The following AP3S2 variants were observed in gnomAD, a reference collection of about 807,000 sequenced individuals.
AP3S2 encodes adaptor related protein complex 3 subunit sigma 2.
A neutral mutation model predicts 23.4 loss-of-function variants in AP3S2; 22 were observed. The observed-to-expected ratio is 0.94, with a 90% confidence interval of 0.67 to 1.34. The LOEUF (loss-of-function observed/expected upper bound fraction) is 1.34. Ranked by LOEUF, AP3S2 falls within the 40% of genes most tolerant of loss-of-function variation. AP3S2 has a pLI of 0.00. For missense variants in AP3S2, 241 were observed against 236.9 expected (o/e 1.02, Z -0.11); for synonymous variants, 86 against 87.1 (o/e 0.99, Z 0.07).
At position 89,855,055 on chromosome 15, in the gene AP3S2, G is replaced by A. The variant is rs1364257062; in HGVS notation, c.345+16420C>T. On this transcript the variant is annotated intron_variant, in intron 4 of 5. Coordinates refer to ENST00000336418, the MANE Select transcript of AP3S2 (RefSeq NM_005829.5). Reference sequence around the variant, plus strand: ...CAACAGCTCATTGAGAACGGGCCAGGATGACAATGACGGCTTTGTGGAACA... The same window carrying A: ...CAACAGCTCATTGAGAACGGGCCAGAATGACAATGACGGCTTTGTGGAACA... Among the ~76,000 whole-genome samples the A allele has an allele frequency of 1.4e-5, 2 of 141,700 alleles. 1 individual carries two copies. The highest frequency in any genetic ancestry group is 4.3e-4 in the East Asian group (2 of 4,702). The allele number at this position is 141,700 out of a possible 152,430, so 93.0% of individuals were successfully genotyped here. A position where few individuals can be genotyped will look rare whatever the true frequency, so the allele number is the denominator to read the frequency against.
At chr15:89,835,911 C>A (rs923385919) in intron 5 of AP3S2, among the ~76,000 whole-genome samples, 4 of 151,902 alleles carry the variant, frequency 2.6e-5, no homozygotes, top group Admixed American at 6.6e-5. Context: ...CCCTGTAGTC[C>A]CAGCTACTAG....
chr15:89,835,699 GCTA>G lies in AP3S2; in HGVS notation c.454-59_454-57del, dbSNP rs1895173330. ...AAATTCTCACTGTTATCTGCTTAAT[GCTA>G]AAAAAAAAAAAAAAAAAAAAGCAAA... On this transcript the variant is annotated intron_variant, in intron 5 of 5. Transcript: ENST00000336418. The G allele has an allele frequency of 1.2e-5, 10 of 867,018 alleles. No homozygotes were observed. In the Admixed American group the frequency reaches 1.8e-4, roughly 16 times the overall value. 53.7% of individuals were successfully genotyped at this position (867,018 alleles called of 1,614,324 possible). A position where few individuals can be genotyped will look rare whatever the true frequency, so the allele number is the denominator to read the frequency against.
intron 3 of AP3S2, among the ~76,000 whole-genome samples, chr15:89,879,022 G>T (rs934414568): frequency 1.3e-5 from 2 of 152,136 alleles, no homozygotes; most frequent in Non-Finnish European, 2.9e-5. Context: ...TTGGGATTAC[G>T]GGCGTGGGCC....
At chr15:89,857,058 T>C (rs534552014) in intron 4 of AP3S2, among the ~76,000 whole-genome samples, 16 of 152,122 alleles carry the variant, frequency 1.1e-4, no homozygotes, top group Non-Finnish European at 2.1e-4. Flanking sequence ...AATTAAAAAC[T>C]TGAGAGCATG....
chr15:89,878,956 C>A (rs936688992), intron 3 of AP3S2, among the ~76,000 whole-genome samples: 5 of 152,218 alleles, frequency 3.3e-5, no homozygotes, highest in Non-Finnish European at 7.3e-5. Context: ...CCATGTTAGC[C>A]AGGCTGCTCC....
At chr15:89,875,964 C>T (rs1374499635) in intron 3 of AP3S2, among the ~76,000 whole-genome samples, 1 of 151,730 alleles carries the variant, frequency 6.6e-6, no homozygotes, top group Non-Finnish European at 1.5e-5. Context: ...ATACATTCAT[C>T]TGAAAATGAT....
intron 4 of AP3S2, among the ~76,000 whole-genome samples, chr15:89,868,137 G>A (rs1247215952): frequency 4.4e-4 from 43 of 96,630 alleles, no homozygotes; most frequent in Admixed American, 3.4e-3. Flanking sequence ...CCCCCCACCC[G>A]GCCAGCCGCC....
chr15:89,862,839 C>T (rs1359707670), intron 4 of AP3S2, among the ~76,000 whole-genome samples: 1 of 152,108 alleles, frequency 6.6e-6, no homozygotes, highest in Non-Finnish European at 1.5e-5. Flanking sequence ...TCGAGCCATA[C>T]ATCAAGACTA....
At chr15:89,872,358 G>A (rs1046808918) in intron 3 of AP3S2, among the ~76,000 whole-genome samples, 7 of 151,872 alleles carry the variant, frequency 4.6e-5, no homozygotes, top group Middle Eastern at 3.2e-3. Context: ...TTTAATTGAC[G>A]TGTTTACAAC....
Position 89,893,950 on chromosome 15 carries a change from C to T in AP3S2, c.-1G>A, listed in dbSNP as rs1446282167. 6 of 1,551,372 alleles carry T rather than the reference C, an allele frequency of 3.9e-6. No homozygotes were observed. Among genetic ancestry groups the T allele is most frequent in the Non-Finnish European group, 5.2e-6 (6 of 1,146,998 alleles). On this transcript the variant is annotated 5_prime_UTR_variant, in exon 1 of 6. Coordinates refer to ENST00000336418, the MANE Select transcript of AP3S2 (RefSeq NM_005829.5). ...TGAAAACCAGAATCGCCTGAATCAT[C>T]TTTGCCAGCCACGGTTCTCTCAGCA...
At chr15:89,844,319 C>T (rs1265121063) in intron 4 of AP3S2, among the ~76,000 whole-genome samples, 4 of 145,180 alleles carry the variant, frequency 2.8e-5, no homozygotes, top group Non-Finnish European at 4.5e-5. Flanking sequence ...TTCCTTCCTT[C>T]TTTCCTTCCT....
chr15:89,873,429 C>T (rs1406665956), intron 3 of AP3S2, among the ~76,000 whole-genome samples: 6 of 151,778 alleles, frequency 4.0e-5, no homozygotes, highest in Admixed American at 3.9e-4. Context: ...GGATTACAGG[C>T]ATGCACCACC....
chr15:89,860,117 A>G (rs1361588535), intron 4 of AP3S2, among the ~76,000 whole-genome samples: 3 of 152,174 alleles, frequency 2.0e-5, no homozygotes, highest in African/African-American at 7.2e-5. Flanking sequence ...CTCTGAAAAA[A>G]ATATTCTACA....
intron 1 of AP3S2, among the ~76,000 whole-genome samples, chr15:89,889,863 C>CAAAAA (rs940624860): frequency 8.9e-4 from 17 of 19,190 alleles, no homozygotes; most frequent in Admixed American, 2.1e-3. Flanking sequence ...GACTCCATCT[C>CAAAAA]AAAAAAAAAA....
chr15:89,846,390 C>A (rs1895489307), intron 4 of AP3S2, among the ~76,000 whole-genome samples: 1 of 151,960 alleles, frequency 6.6e-6, no homozygotes. Flanking sequence ...CATGGTCTCA[C>A]TCTGTCGCCC....
chr15:89,852,390 G>C (rs1374176021), intron 4 of AP3S2: 1 of 152,172 alleles, frequency 6.6e-6, no homozygotes, highest in Non-Finnish European at 1.5e-5. Context: ...TCTGTTCTTT[G>C]GCTCCTGCAA....
intron 4 of AP3S2, among the ~76,000 whole-genome samples, chr15:89,867,529 GC>G (rs1371920013): frequency 1.4e-5 from 2 of 142,346 alleles, no homozygotes; most frequent in Non-Finnish European, 3.1e-5. Flanking sequence ...AAAGTGAGGA[GC>G]GTCTGCGCCC....
intron 1 of AP3S2, among the ~76,000 whole-genome samples, chr15:89,892,622 A>C (rs1358734821): frequency 6.6e-6 from 1 of 152,194 alleles, no homozygotes; most frequent in African/African-American, 2.4e-5. Context: ...TGCAAATACA[A>C]ATAGTTACGC....
rs1457125888 is a variant in AP3S2 at position 89,893,970 on chromosome 15, T to C, written c.-21A>G. 1.9e-6 allele frequency: 3 copies of C among 1,550,206 alleles called. No individual in the cohort carries two copies. The highest frequency in any genetic ancestry group is 3.9e-5 in the Admixed American group (2 of 50,968). On this transcript the variant is annotated 5_prime_UTR_variant, in exon 1 of 6. Transcript: ENST00000336418. ...ATCATCTTTGCCAGCCACGGTTCTC[T>C]CAGCACCGGCTACTCCCAGAAAGCT...
Sources: allele counts gnomAD v4.1 joint callset (sites outside exome capture counted in the v4.1 genomes callset), GRCh38; gene constraint gnomAD v4.1.1; transcripts MANE v1.5; gene names NCBI Gene and HGNC (gene_info 2026-07-23, HGNC 2026-07-21).